ANK2: variants seen among roughly 807,000 people sequenced by gnomAD.
ANK2 encodes ankyrin-2.
In ANK2, 83 loss-of-function variants were observed where a neutral mutation model predicts 360.5. The observed-to-expected ratio is 0.23, with a 90% CI of 0.19 to 0.28. The LOEUF is 0.28. ANK2 is among the 10% of genes least tolerant of loss of function. The probability of loss-of-function intolerance (pLI) is 1.00; values close to 1 mark genes in which losing one functional copy is unlikely to be tolerated. For missense variants in ANK2, 4,201 were observed against 4,795.7 expected, an observed-to-expected ratio of 0.88 and a Z score of 3.66; for synonymous variants, 1,740 against 1,759.5, an observed-to-expected ratio of 0.99 and a Z score of 0.28.
At chr4:113,329,157 A>G (rs1370984246) in intron 26 of ANK2, among the ~76,000 whole-genome samples, 1 of 152,240 alleles carries the variant, frequency 6.6e-6, no homozygotes, top group East Asian at 1.9e-4. Flanking sequence ...ACGTATACAC[A>G]ACACTTAGAT....
rs10488902 is a variant in ANK2 at position 113,227,672 on chromosome 4, C to A, written c.385-4489C>A. 3.2e-3 allele frequency among the ~76,000 whole-genome samples: 490 copies of A among 152,194 alleles called. 16 individuals carry two copies. The East Asian group carries it at 0.067, about 21-fold the overall frequency. On this transcript the variant is annotated intron_variant, in intron 4 of 45. Transcript: ENST00000357077. ...CATCCACAGGATGGAGTCCTAATAC[C>A]ATTACAGGGAAGAGACTATTCAGTA...
intron 14 of ANK2, among the ~76,000 whole-genome samples, chr4:113,267,812 T>A (rs536088336): frequency 3.9e-5 from 6 of 152,230 alleles, no homozygotes; most frequent in Non-Finnish European, 7.3e-5. Flanking sequence ...TTGATGGGGA[T>A]AGCATTGAAT....
rs192908347 is a variant in ANK2, at chr4:112,990,059, C to A, written c.21+85545C>A. Among the ~76,000 whole-genome samples the A allele has an allele frequency of 1.6e-3, 237 of 152,132 alleles. 2 individuals carry two copies. The highest frequency in any genetic ancestry group is 5.5e-3 in the African/African-American group (228 of 41,512). On this transcript the variant is annotated intron_variant, in intron 2 of 30. Transcript: ENST00000503271. Reference sequence around the variant, plus strand: ...CCTGAGGCAGGAAGATTGATTGAGGCCAGGAGTTCAAGACCAGCCTGAGAA... The same window carrying A: ...CCTGAGGCAGGAAGATTGATTGAGGACAGGAGTTCAAGACCAGCCTGAGAA...
At chr4:112,706,250 ACCCCATTGTCCTCGCGTC>A in the ANK2 span, among the ~76,000 whole-genome samples, 4 of 151,944 alleles carry the variant, frequency 2.6e-5, no homozygotes, top group African/African-American at 7.2e-5. Context: ...GGGCGCCGGC[ACCCCATTGTCCTCGCGTC>A]CCCCAAGGGC....
At chr4:113,240,671 AT>A in intron 8 of ANK2, 88 bp downstream of exon 8, 1 of 1,205,142 alleles carries the variant, frequency 8.3e-7, no homozygotes, top group Non-Finnish European at 1.2e-6. Flanking sequence ...TTTCTTAAAG[AT>A]TTTACTTCTT....
At chr4:113,261,800 ACTT>A (rs1378194990) in intron 13 of ANK2, among the ~76,000 whole-genome samples, 1 of 152,192 alleles carries the variant, frequency 6.6e-6, no homozygotes, top group Non-Finnish European at 1.5e-5. Flanking sequence ...CATAAAAAAA[ACTT>A]AAGTATAAAA....
chr4:112,859,998 T>G (rs2067471540), intron 1 of ANK2, among the ~76,000 whole-genome samples: 1 of 152,182 alleles, frequency 6.6e-6, no homozygotes, highest in African/African-American at 2.4e-5. Flanking sequence ...GGGGTGTTGT[T>G]GCGTCAATTG....
intron 2 of ANK2, among the ~76,000 whole-genome samples, chr4:113,184,140 G>A (rs1039048499): frequency 2.0e-5 from 3 of 150,848 alleles, no homozygotes; most frequent in Non-Finnish European, 4.4e-5. Flanking sequence ...AAGCTTAAAA[G>A]GGATATTTAG....
At chr4:112,916,208 C>T (rs1255630038) in intron 2 of ANK2, among the ~76,000 whole-genome samples, 1 of 152,132 alleles carries the variant, frequency 6.6e-6, no homozygotes, top group African/African-American at 2.4e-5. Flanking sequence ...TTTTTGTGTT[C>T]TGACATGGTT....
Position 112,930,570 on chromosome 4 carries a change from TA to T in ANK2, c.21+26066del, listed in dbSNP as rs933980718. Among the ~76,000 whole-genome samples, 52 of 149,572 alleles carry T rather than the reference TA, an allele frequency of 3.5e-4. 1 individual carries two copies. The highest frequency in any genetic ancestry group is 8.6e-4 in the African/African-American group (35 of 40,834). ...GGCTGGATTTGACTTTGTAAACGGT[TA>T]AAAAAAAAATGTAGGAGTAAGACTT... On this transcript the variant is annotated intron_variant, in intron 2 of 30. Transcript: ENST00000503271.
chr4:113,222,831 G>A (rs1184129665), intron 4 of ANK2, among the ~76,000 whole-genome samples: 1 of 152,178 alleles, frequency 6.6e-6, no homozygotes, highest in Non-Finnish European at 1.5e-5. Context: ...AGAGAGGAAA[G>A]TAGTTAAAAT....
chr4:113,232,320 C>A, intron 5 of ANK2, 61 bp downstream of exon 5: 1 of 1,276,124 alleles, frequency 7.8e-7, no homozygotes, highest in Non-Finnish European at 1.1e-6. Flanking sequence ...TTCTTTATAT[C>A]AGGCTGCAAA....
the ANK2 span, among the ~76,000 whole-genome samples, chr4:112,755,578 A>G: frequency 2.6e-5 from 4 of 152,306 alleles, no homozygotes; most frequent in African/African-American, 9.6e-5. Flanking sequence ...ATTATAAAGA[A>G]ACTTCTTAAG....
In ANK2 at chr4:113,358,258, A is replaced by G. The variant is rs1219758514; in HGVS notation, c.9640A>G (p.Thr3214Ala). 6.2e-7 allele frequency: 1 copy of G among 1,613,950 alleles called. No homozygotes were observed. Among genetic ancestry groups the G allele is most frequent in the East Asian group, 2.2e-5 (1 of 44,882 alleles). ...GATTTCAGCCTCCACTGAAACACCT[A>G]CAAAAGAAGCTGTTAGTGTAGGGAC... Reference protein sequence around the residue: ...MGISASTETPTKEAVSVGTKD... With the variant: ...MGISASTETPAKEAVSVGTKD... Residue 3214 changes from threonine to alanine, a missense_variant, in exon 38 of 46, where the codon ACA becomes GCA. Thr to Ala is a moderately conservative substitution (Grantham distance 58). Coordinates refer to ENST00000357077, the MANE Select transcript of ANK2 (RefSeq NM_001148.6).
At chr4:113,292,392 G>A in intron 20 of ANK2, 24 bp from the exon 21 acceptor site, 1 of 1,594,608 alleles carries the variant, frequency 6.3e-7, no homozygotes, top group Non-Finnish European at 8.6e-7. Context: ...CGGGTGCTGG[G>A]CCCGCCACCA....
intron 1 of ANK2, among the ~76,000 whole-genome samples, chr4:113,077,635 T>C (rs1229366775): frequency 6.6e-6 from 1 of 152,220 alleles, no homozygotes; most frequent in Non-Finnish European, 1.5e-5. Flanking sequence ...ACATTGCCTT[T>C]GTGAGTTCTG....
At chr4:113,378,184 T>C in intron 45 of ANK2, 1 of 1,253,016 alleles carries the variant, frequency 8.0e-7, no homozygotes, top group Non-Finnish European at 1.0e-6. Context: ...ATTAAAAGGT[T>C]TGGGTTAGCA....
rs941146979 is a variant in ANK2 at position 112,855,397 on chromosome 4, A to G, written c.-40+37133A>G. Among the ~76,000 whole-genome samples, 4 of 152,290 alleles carry G rather than the reference A, an allele frequency of 2.6e-5. 1 individual carries two copies. The South Asian group carries it at 6.2e-4, about 24-fold the overall frequency. On this transcript the variant is annotated intron_variant, in intron 1 of 30. Transcript: ENST00000503271. ...CTAAATTGCCTGCCTGGGCAGCCTA[A>G]TCTATAGCTATTGATTATGGTAGTA...
At position 113,369,323 on chromosome 4, in the gene ANK2, A is replaced by G. The variant is rs73844006; in HGVS notation, c.11319-191A>G. 0.018 allele frequency among the ~76,000 whole-genome samples: 2,770 copies of G among 152,352 alleles called. 85 individuals are homozygous for G. Among genetic ancestry groups the G allele is most frequent in the African/African-American group, 0.061 (2,553 of 41,576 alleles). On this transcript the variant is annotated intron_variant, in intron 42 of 45. Transcript: ENST00000357077. ...CATCACTCTCTGCCAGTGCTAGATCAATGAGCTACAACTCTATATCTTGTC... is the reference window on the plus strand; with the variant it reads ...CATCACTCTCTGCCAGTGCTAGATCGATGAGCTACAACTCTATATCTTGTC...
Sources: gnomAD v4.1 joint callset for allele counts (sites outside exome capture counted in the v4.1 genomes callset) on GRCh38, gnomAD v4.1.1 for gene constraint, MANE v1.5 for transcripts, NCBI Gene and HGNC (gene_info 2026-07-23, HGNC 2026-07-21) for gene names.